The following PHEX variants were observed in gnomAD, a reference collection of about 807,000 sequenced individuals.
PHEX encodes the protein phosphate regulating endopeptidase X-linked.
Under a neutral mutation model 68.0 loss-of-function variants are expected in PHEX, and 16 were observed. That is an observed-to-expected ratio of 0.24 (90% confidence interval 0.16 to 0.36). The LOEUF is 0.36. Ranked by LOEUF, PHEX falls within the 10% of genes least tolerant of loss-of-function variation. The probability of loss-of-function intolerance (pLI) is 1.00; values close to 1 mark genes in which losing one functional copy is unlikely to be tolerated. For synonymous variants in PHEX, 208 were observed against 205.1 expected, an observed-to-expected ratio of 1.01 and a Z score of -0.12; for missense variants, 480 against 575.5, an observed-to-expected ratio of 0.83 and a Z score of 1.70.
chrX:22,111,320 T>A (rs973233139), intron 9 of PHEX, 147 bp from the exon 10 acceptor site: 1 of 549,217 alleles, frequency 1.8e-6, no homozygotes, highest in East Asian at 3.4e-5. Context: ...TATCATCTTA[T>A]GTCATTTCTC....
intron 20 of PHEX, among the ~76,000 whole-genome samples, chrX:22,242,711 C>T (rs746319367): frequency 1.8e-5 from 2 of 111,731 alleles, no homozygotes; most frequent in Admixed American, 1.9e-4. Flanking sequence ...CCTAGGAATA[C>T]AACTTACAAG....
Position 22,098,407 on chromosome X carries a change from G to T in PHEX, c.934-599G>T, listed in dbSNP as rs189292322. Reference sequence around the variant, plus strand: ...AAGAGTACTGGAGGGGGCCAAGGGAGTGAGGGTGCATATTACTGTGTTAGT... The same window carrying T: ...AAGAGTACTGGAGGGGGCCAAGGGATTGAGGGTGCATATTACTGTGTTAGT... On this transcript the variant is annotated intron_variant, in intron 8 of 21. Transcript: ENST00000379374. 4.3e-3 allele frequency among the ~76,000 whole-genome samples: 466 copies of T among 108,160 alleles called. 1 individual carries two copies. The highest frequency in any genetic ancestry group is 6.4e-3 in the Non-Finnish European group (335 of 52,270). 93.9% of individuals were successfully genotyped at this position (108,160 alleles called of 115,157 possible). A position where few individuals can be genotyped will look rare whatever the true frequency, so the allele number is the denominator to read the frequency against.
intron 9 of PHEX, among the ~76,000 whole-genome samples, chrX:22,104,947 A>G (rs111284939): frequency 0.11 from 12,045 of 112,055 alleles, 957 homozygotes; most frequent in African/African-American, 0.28. Context: ...CCCTGTAAGT[A>G]TTCCTGTCTT....
chrX:22,138,154 A>C (rs1338128919), intron 12 of PHEX, among the ~76,000 whole-genome samples: 1 of 112,792 alleles, frequency 8.9e-6, no homozygotes, highest in African/African-American at 3.2e-5. Flanking sequence ...TCCTTGTCTT[A>C]GAGTCTGTTT....
At chrX:22,052,316 C>T (rs1927873218) in intron 3 of PHEX, among the ~76,000 whole-genome samples, 1 of 112,415 alleles carries the variant, frequency 8.9e-6, no homozygotes, top group Admixed American at 9.5e-5. Flanking sequence ...CAACCTCTGC[C>T]TTTTGGGTTC....
At chrX:22,094,824 C>G (rs756793062) in intron 7 of PHEX, among the ~76,000 whole-genome samples, 32 of 111,827 alleles carry the variant, frequency 2.9e-4, no homozygotes, top group African/African-American at 9.4e-4. Context: ...ATGAGAACTC[C>G]TAAATGGTTA....
intron 2 of PHEX, among the ~76,000 whole-genome samples, chrX:22,041,288 TA>T (rs1194843603): frequency 1.0e-5 from 1 of 99,288 alleles, no homozygotes; most frequent in East Asian, 3.1e-4. Context: ...TATATATATA[TA>T]TATATATATA....
At chrX:22,075,918 T>C (rs1263174713) in intron 3 of PHEX, among the ~76,000 whole-genome samples, 1 of 112,213 alleles carries the variant, frequency 8.9e-6, no homozygotes, top group Non-Finnish European at 1.9e-5. Context: ...ATAAAACTTC[T>C]AATGGGAAAT....
chrX:22,239,990 G>C (rs1260244972), intron 20 of PHEX, among the ~76,000 whole-genome samples: 2 of 111,912 alleles, frequency 1.8e-5, no homozygotes, highest in Admixed American at 9.5e-5. Flanking sequence ...GAGCCAGAGA[G>C]AAAGGTCGGG....
chrX:22,044,973 C>T (rs1435452786), intron 2 of PHEX, among the ~76,000 whole-genome samples: 1 of 109,572 alleles, frequency 9.1e-6, no homozygotes. Context: ...GCTGGGATTA[C>T]AGGCATGAGC....
intron 5 of PHEX, among the ~76,000 whole-genome samples, chrX:22,084,078 G>A (rs1929509817): frequency 8.9e-6 from 1 of 112,203 alleles, no homozygotes; most frequent in Non-Finnish European, 1.9e-5. Flanking sequence ...TTTACAGAAT[G>A]TATTAGAATG....
intron 7 of PHEX, among the ~76,000 whole-genome samples, chrX:22,096,126 G>A (rs890488506): frequency 3.6e-5 from 4 of 111,933 alleles, no homozygotes; most frequent in African/African-American, 1.3e-4. Context: ...CAGTGGGAAG[G>A]TGGCAAGTTT....
At chrX:22,041,660 G>A (rs1243985791) in intron 2 of PHEX, among the ~76,000 whole-genome samples, 1 of 110,431 alleles carries the variant, frequency 9.1e-6, no homozygotes, top group Non-Finnish European at 1.9e-5. Flanking sequence ...AGAGCAGGCG[G>A]AACTATCAGG....
chrX:22,121,139 G>T (rs1387914941), intron 11 of PHEX, among the ~76,000 whole-genome samples: 1 of 112,004 alleles, frequency 8.9e-6, no homozygotes, highest in Non-Finnish European at 1.9e-5. Flanking sequence ...TAATTATTTT[G>T]ACACTTGTTA....
At chrX:22,036,388 T>A (rs1927023194) in intron 1 of PHEX, among the ~76,000 whole-genome samples, 1 of 110,816 alleles carries the variant, frequency 9.0e-6, no homozygotes, top group Non-Finnish European at 1.9e-5. Context: ...ACCTTCCTTC[T>A]GCTCATCGTT....
At chrX:22,038,991 A>G (rs1421922270) in intron 2 of PHEX, among the ~76,000 whole-genome samples, 1 of 111,774 alleles carries the variant, frequency 8.9e-6, no homozygotes, top group Non-Finnish European at 1.9e-5. Flanking sequence ...CTCTTTTTTA[A>G]AAATTGAGAC....
At chrX:22,219,811 G>T (rs1389184804) in intron 17 of PHEX, among the ~76,000 whole-genome samples, 1 of 110,938 alleles carries the variant, frequency 9.0e-6, no homozygotes, top group African/African-American at 3.3e-5. Flanking sequence ...TAGAGACGGG[G>T]TTTCACCACA....
intron 15 of PHEX, among the ~76,000 whole-genome samples, chrX:22,205,335 C>G (rs1323555183): frequency 1.8e-5 from 2 of 111,687 alleles, no homozygotes. Context: ...CCTAAATGAA[C>G]AAATTCAATG....
chrX:22,232,790 A>C (rs973638257), intron 20 of PHEX, among the ~76,000 whole-genome samples: 6 of 109,008 alleles, frequency 5.5e-5, no homozygotes, highest in Middle Eastern at 4.7e-3. Flanking sequence ...CATTTAGCCC[A>C]TTTACATTTA....
Sources: gnomAD v4.1 joint callset for allele counts (sites outside exome capture counted in the v4.1 genomes callset) on GRCh38, gnomAD v4.1.1 for gene constraint, MANE v1.5 for transcripts, NCBI Gene and HGNC (gene_info 2026-07-23, HGNC 2026-07-21) for gene names.